NR3C2: variants seen among roughly 807,000 people sequenced by gnomAD.
The protein encoded by NR3C2 is mineralocorticoid receptor.
In NR3C2, 15 loss-of-function variants were observed where a neutral mutation model predicts 86.4. The ratio of observed to expected loss-of-function variants is 0.17; its 90% CI spans 0.12 to 0.27. NR3C2 has a LOEUF of 0.27. Ranked by LOEUF, NR3C2 falls within the 10% of genes least tolerant of loss-of-function variation. The pLI is 1.00. For missense variants in NR3C2, 960 were observed against 1,195.6 expected (o/e 0.80, Z 2.91); for synonymous variants, 458 against 450.5 (o/e 1.02, Z -0.21).
intron 2 of NR3C2, among the ~76,000 whole-genome samples, chr4:148,382,650 A>G (rs1211926376): frequency 6.6e-6 from 1 of 152,234 alleles, no homozygotes; most frequent in Admixed American, 6.5e-5. Flanking sequence ...GACATCATAC[A>G]TTAAAAGGGC....
At chr4:148,433,106 T>C (rs1010318841) in intron 2 of NR3C2, among the ~76,000 whole-genome samples, 3 of 152,158 alleles carry the variant, frequency 2.0e-5, no homozygotes, top group Non-Finnish European at 2.9e-5. Context: ...TCAAGGTCAC[T>C]AATTCATACT....
intron 2 of NR3C2, among the ~76,000 whole-genome samples, chr4:148,291,192 A>AT (rs1401605094): frequency 1.3e-5 from 2 of 151,944 alleles, no homozygotes; most frequent in Non-Finnish European, 2.9e-5. Context: ...TTTGGATTTC[A>AT]TTTCCCTCCT....
At chr4:148,326,929 C>G (rs1416850901) in intron 2 of NR3C2, among the ~76,000 whole-genome samples, 1 of 151,996 alleles carries the variant, frequency 6.6e-6, no homozygotes, top group Non-Finnish European at 1.5e-5. Context: ...AATACAAATA[C>G]CACTAAAATA....
chr4:148,211,290 G>T (rs576662639), intron 3 of NR3C2, among the ~76,000 whole-genome samples: 6 of 152,318 alleles, frequency 3.9e-5, no homozygotes, highest in African/African-American at 1.4e-4. Context: ...GTGTATGCAT[G>T]TGTATAGATA....
chr4:148,269,508 A>G (rs771992865), intron 2 of NR3C2, among the ~76,000 whole-genome samples: 1 of 152,248 alleles, frequency 6.6e-6, no homozygotes, highest in African/African-American at 2.4e-5. Flanking sequence ...GATAGTATGC[A>G]CTTGAGCATA....
intron 2 of NR3C2, among the ~76,000 whole-genome samples, chr4:148,282,430 T>C (rs563934490): frequency 2.4e-4 from 36 of 152,298 alleles, no homozygotes; most frequent in Non-Finnish European, 2.9e-5. Context: ...GAAAATTAAA[T>C]GGAAATTTGT....
At chr4:148,297,347 C>T (rs944607123) in intron 2 of NR3C2, among the ~76,000 whole-genome samples, 3 of 152,232 alleles carry the variant, frequency 2.0e-5, no homozygotes, top group Admixed American at 6.5e-5. Flanking sequence ...TATTTCTGCA[C>T]ATTTCAAAAG....
intron 7 of NR3C2, among the ~76,000 whole-genome samples, chr4:148,116,469 A>C (rs556866652): frequency 8.5e-5 from 13 of 152,340 alleles, no homozygotes; most frequent in African/African-American, 3.1e-4. Flanking sequence ...AATCTGGAGA[A>C]GAGCAAAGAG....
At chr4:148,104,341 G>GTTTTTT (rs1553985370) in intron 8 of NR3C2, among the ~76,000 whole-genome samples, 5 of 122,346 alleles carry the variant, frequency 4.1e-5, no homozygotes, top group African/African-American at 1.4e-4. Flanking sequence ...GTTTTGGTTT[G>GTTTTTT]GTTTTTTTTT....
At chr4:148,281,554 A>AAG (rs1741242279) in intron 2 of NR3C2, among the ~76,000 whole-genome samples, 1 of 152,210 alleles carries the variant, frequency 6.6e-6, no homozygotes, top group African/African-American at 2.4e-5. Context: ...AAGCTTCAAA[A>AAG]ATCAGTGTTT....
intron 4 of NR3C2, among the ~76,000 whole-genome samples, chr4:148,158,285 A>G (rs997274291): frequency 2.6e-5 from 4 of 152,204 alleles, no homozygotes; most frequent in Non-Finnish European, 5.9e-5. Context: ...CAGGTAATCT[A>G]AAAACCTCGT....
At chr4:148,151,824 A>G (rs951855367) in intron 6 of NR3C2, among the ~76,000 whole-genome samples, 1 of 152,228 alleles carries the variant, frequency 6.6e-6, no homozygotes, top group Non-Finnish European at 1.5e-5. Flanking sequence ...CTAGATACAA[A>G]CATAAATAAA....
chr4:148,096,784 T>C (rs1731295688), intron 8 of NR3C2, among the ~76,000 whole-genome samples: 1 of 152,218 alleles, frequency 6.6e-6, no homozygotes, highest in South Asian at 2.1e-4. Context: ...CATTCACATA[T>C]ATCCTGTGAC....
intron 2 of NR3C2, among the ~76,000 whole-genome samples, chr4:148,314,087 A>G (rs1743040513): frequency 6.6e-6 from 1 of 152,184 alleles, no homozygotes; most frequent in Non-Finnish European, 1.5e-5. Context: ...CACAAACTCT[A>G]TGGAGGGCAA....
Position 148,379,776 on chromosome 4 carries a change from C to T in NR3C2, c.1757+55328G>A, listed in dbSNP as rs564985556. On this transcript the variant is annotated intron_variant, in intron 2 of 8. Coordinates refer to ENST00000358102, the MANE Select transcript of NR3C2 (RefSeq NM_000901.5). ...TAGAAAATATATTTTCAAAGCTTAA[C>T]GATAATAAGAAGCAGGATAACATTA... Among the ~76,000 whole-genome samples the T allele has an allele frequency of 1.8e-4, 28 of 152,012 alleles. No homozygotes were observed. The South Asian group carries it at 5.0e-3, about 27-fold the overall frequency.
At chr4:148,351,763 G>A (rs1745290267) in intron 2 of NR3C2, among the ~76,000 whole-genome samples, 1 of 152,164 alleles carries the variant, frequency 6.6e-6, no homozygotes, top group African/African-American at 2.4e-5. Context: ...GACTCACAGT[G>A]ATAAACTCAG....
chr4:148,363,185 G>T (rs1291505936), intron 2 of NR3C2, among the ~76,000 whole-genome samples: 5 of 152,134 alleles, frequency 3.3e-5, no homozygotes, highest in Non-Finnish European at 5.9e-5. Context: ...ACCATGAGGG[G>T]CTAATCAAGA....
chr4:148,174,716 G>T (rs144786530), intron 4 of NR3C2, among the ~76,000 whole-genome samples: 1 of 152,234 alleles, frequency 6.6e-6, no homozygotes, highest in African/African-American at 2.4e-5. Flanking sequence ...GCATTTCCAG[G>T]TTGGTTTCCT....
At chr4:148,440,447 G>A (rs1177450381) in intron 1 of NR3C2, among the ~76,000 whole-genome samples, 2 of 152,116 alleles carry the variant, frequency 1.3e-5, no homozygotes, top group Non-Finnish European at 1.5e-5. Flanking sequence ...AATATCTAGA[G>A]GATAAAGAAA....
Sources: allele counts gnomAD v4.1 joint callset (sites outside exome capture counted in the v4.1 genomes callset), GRCh38; gene constraint gnomAD v4.1.1; transcripts MANE v1.5; gene names NCBI Gene and HGNC (gene_info 2026-07-23, HGNC 2026-07-21).